The following NRXN3 variants were observed in gnomAD, a reference collection of about 807,000 sequenced individuals.
The protein encoded by NRXN3 is neurexin 3.
A neutral mutation model predicts 137.6 loss-of-function variants in NRXN3; 32 were observed. The observed-to-expected ratio is 0.23, with a 90% CI of 0.18 to 0.31. NRXN3 has a LOEUF of 0.31. NRXN3 is among the 10% of genes least tolerant of loss of function. The pLI is 1.00. For missense variants in NRXN3, 1,574 were observed against 2,062.5 expected, an observed-to-expected ratio of 0.76 and a Z score of 4.59; for synonymous variants, 798 against 784.5, an observed-to-expected ratio of 1.02 and a Z score of -0.29.
intron 19 of NRXN3, among the ~76,000 whole-genome samples, chr14:79,768,921 T>G (rs1189651983): frequency 1.3e-5 from 2 of 151,020 alleles, no homozygotes; most frequent in African/African-American, 2.4e-5. Context: ...TACAGAGAAG[T>G]GCTTAAAGGA....
At chr14:78,235,758 C>CT (rs2066207275) in intron 1 of NRXN3, among the ~76,000 whole-genome samples, 1 of 152,196 alleles carries the variant, frequency 6.6e-6, no homozygotes, top group Admixed American at 6.5e-5. Flanking sequence ...GTTTCCCCTT[C>CT]TTTTTCCTAA....
chr14:78,267,843 G>C (rs1243985893), intron 2 of NRXN3, among the ~76,000 whole-genome samples: 2 of 152,134 alleles, frequency 1.3e-5, no homozygotes, highest in East Asian at 3.9e-4. Flanking sequence ...ATCGTCTCTT[G>C]GTTCATAAGA....
intron 16 of NRXN3, among the ~76,000 whole-genome samples, chr14:79,657,719 CCT>C (rs1281232944): frequency 1.3e-5 from 2 of 152,120 alleles, no homozygotes; most frequent in African/African-American, 2.4e-5. Flanking sequence ...GCAGTAAAAG[CCT>C]CTGTTAGTCA....
chr14:79,726,155 A>G (rs1035604894), intron 19 of NRXN3, among the ~76,000 whole-genome samples: 2 of 152,156 alleles, frequency 1.3e-5, no homozygotes, highest in East Asian at 1.9e-4. Context: ...TGTTTCTGTT[A>G]TTCTCTAATA....
chr14:79,057,770 C>T lies in NRXN3; in HGVS notation c.3262+69629C>T, dbSNP rs184120929. On this transcript the variant is annotated intron_variant, in intron 15 of 20. Coordinates refer to ENST00000335750, the MANE Select transcript of NRXN3 (RefSeq NM_001330195.2). The stretch of plus-strand genomic sequence containing the variant: ...AGTTTGCACTGCACTGGGCAGTGAA[C>T]GGGAGGTCAGTGAGTGGAGTGATTG... Among the ~76,000 whole-genome samples the T allele has an allele frequency of 6.0e-4, 91 of 152,018 alleles. 1 individual carries two copies. The highest frequency in any genetic ancestry group is 2.1e-4 in the South Asian group (1 of 4,812).
intron 16 of NRXN3, among the ~76,000 whole-genome samples, chr14:79,623,479 G>A (rs2098246790): frequency 1.3e-5 from 2 of 152,152 alleles, no homozygotes. Flanking sequence ...TTGGTACAGG[G>A]GTTCCCCATC....
chr14:78,419,986 C>CACACACA (rs10676901), intron 4 of NRXN3, among the ~76,000 whole-genome samples: 5,489 of 150,198 alleles, frequency 0.037, 162 homozygotes, highest in Admixed American at 0.075. Flanking sequence ...CACACACACA[C>CACACACA]GTAAAGTCCT....
intron 4 of NRXN3, among the ~76,000 whole-genome samples, chr14:78,449,457 A>G (rs1337871889): frequency 6.6e-6 from 1 of 152,126 alleles, no homozygotes; most frequent in African/African-American, 2.4e-5. Context: ...CAAGTGATCC[A>G]CCTGCCTTGG....
intron 15 of NRXN3, among the ~76,000 whole-genome samples, chr14:79,177,060 T>A (rs888561670): frequency 2.0e-5 from 3 of 152,218 alleles, no homozygotes; most frequent in African/African-American, 7.2e-5. Context: ...AAATATTTTT[T>A]AAGAGTTGTA....
chr14:78,530,350 T>A (rs1329562660), intron 4 of NRXN3, among the ~76,000 whole-genome samples: 1 of 152,224 alleles, frequency 6.6e-6, no homozygotes. Context: ...GCCACTGTGG[T>A]GAAAATCACC....
chr14:78,345,592 G>C (rs2082637381), intron 4 of NRXN3, among the ~76,000 whole-genome samples: 1 of 152,082 alleles, frequency 6.6e-6, no homozygotes, highest in Admixed American at 6.5e-5. Flanking sequence ...GTGGGACTTA[G>C]GGAGAGATTT....
chr14:78,275,615 C>T (rs1191385134), intron 2 of NRXN3, among the ~76,000 whole-genome samples: 1 of 152,092 alleles, frequency 6.6e-6, no homozygotes, highest in Non-Finnish European at 1.5e-5. Flanking sequence ...CTGATAATTC[C>T]AGTAAAATTC....
At position 79,757,211 on chromosome 14, in the gene NRXN3, C is replaced by G. The variant is rs537430300; in HGVS notation, c.4015-47901C>G. Among the ~76,000 whole-genome samples, 6 of 152,250 alleles carry G rather than the reference C, an allele frequency of 3.9e-5. No individual in the cohort carries two copies. In the East Asian group the frequency reaches 1.2e-3, roughly 29 times the overall value. ...TTCTTCAGGGGCTCTCTCCTGCTCT[C>G]AGATTAGCAACAACGTATTCAGATG... On this transcript the variant is annotated intron_variant, in intron 19 of 20. Transcript: ENST00000335750.
At chr14:78,209,644 C>T (rs1189866074) in intron 1 of NRXN3, among the ~76,000 whole-genome samples, 2 of 152,122 alleles carry the variant, frequency 1.3e-5, no homozygotes, top group African/African-American at 2.4e-5. Context: ...AACTCACTAC[C>T]ACGAGAACAG....
At chr14:79,815,011 T>C (rs571219261) in intron 20 of NRXN3, among the ~76,000 whole-genome samples, 1 of 152,244 alleles carries the variant, frequency 6.6e-6, no homozygotes, top group East Asian at 1.9e-4. Flanking sequence ...TTTTAATTCA[T>C]GGAAGCATTA....
At chr14:78,589,818 A>T (rs2097100278) in intron 4 of NRXN3, among the ~76,000 whole-genome samples, 2 of 152,226 alleles carry the variant, frequency 1.3e-5, no homozygotes, top group Non-Finnish European at 1.5e-5. Context: ...TGCCAAGAGC[A>T]GGAGAGCCAG....
chr14:78,413,426 C>T (rs2092948627), intron 4 of NRXN3, among the ~76,000 whole-genome samples: 1 of 152,198 alleles, frequency 6.6e-6, no homozygotes, highest in South Asian at 2.1e-4. Flanking sequence ...GCTGGGATTA[C>T]AGGCATGTGC....
intron 15 of NRXN3, among the ~76,000 whole-genome samples, chr14:79,272,997 C>G (rs971852733): frequency 6.6e-6 from 1 of 151,316 alleles, no homozygotes; most frequent in African/African-American, 2.4e-5. Flanking sequence ...ATGGTGAAAC[C>G]CCATCTCTAC....
intron 15 of NRXN3, among the ~76,000 whole-genome samples, chr14:79,230,516 G>A (rs1028643307): frequency 5.9e-5 from 9 of 152,150 alleles, no homozygotes; most frequent in Non-Finnish European, 1.3e-4. Context: ...GCCACATAAA[G>A]CAGTGCCACA....
Sources: gnomAD v4.1 joint callset for allele counts (sites outside exome capture counted in the v4.1 genomes callset) on GRCh38, gnomAD v4.1.1 for gene constraint, MANE v1.5 for transcripts, NCBI Gene and HGNC (gene_info 2026-07-23, HGNC 2026-07-21) for gene names.